RNF150: variants seen among roughly 807,000 people sequenced by gnomAD.
RNF150 encodes ring finger protein 150.
RNF150 carries 24 observed loss-of-function variants against 39.3 expected under a neutral mutation model. That is an observed-to-expected ratio of 0.61 (90% CI 0.44 to 0.86). The LOEUF is 0.86. RNF150 is among the 40% of genes least tolerant of loss of function. The pLI, the probability that RNF150 is intolerant of heterozygous loss-of-function variation, is 0.00. For missense variants in RNF150, 502 were observed against 587.8 expected, an observed-to-expected ratio of 0.85 and a Z score of 1.51; for synonymous variants, 255 against 227.3, an observed-to-expected ratio of 1.12 and a Z score of -1.10.
Position 141,000,001 on chromosome 4 carries a change from A to G in RNF150, c.485-32128T>C, listed in dbSNP as rs1466139681. 1.4e-3 allele frequency among the ~76,000 whole-genome samples: 42 copies of G among 30,360 alleles called. 9 individuals carry two copies. The highest frequency in any genetic ancestry group is 1.8e-3 in the Non-Finnish European group (26 of 14,402). The allele number at this position is 30,360 out of a possible 152,430, so 19.9% of individuals were successfully genotyped here. A position where few individuals can be genotyped will look rare whatever the true frequency, so the allele number is the denominator to read the frequency against. ...AAAAGAAGAAAAGAAGAAAAGAAGA[A>G]GAAGAAGAAGAAGAAGAAGAAGAAG... On this transcript the variant is annotated intron_variant, in intron 1 of 6. Coordinates refer to ENST00000515673, the MANE Select transcript of RNF150 (RefSeq NM_020724.2).
At chr4:141,209,826 C>A (rs1401471402) in intron 1 of RNF150, among the ~76,000 whole-genome samples, 1 of 151,984 alleles carries the variant, frequency 6.6e-6, no homozygotes, top group Non-Finnish European at 1.5e-5. Flanking sequence ...GGCAATATAG[C>A]AAGACCCCAT....
chr4:140,894,854 T>C (rs1184030713), intron 6 of RNF150, among the ~76,000 whole-genome samples: 1 of 152,188 alleles, frequency 6.6e-6, no homozygotes, highest in African/African-American at 2.4e-5. Flanking sequence ...TTGTCAATAA[T>C]GTAAGTATGG....
intron 6 of RNF150, among the ~76,000 whole-genome samples, chr4:140,908,783 T>C (rs1730486914): frequency 6.6e-6 from 1 of 152,180 alleles, no homozygotes; most frequent in African/African-American, 2.4e-5. Flanking sequence ...ATTTTGGATG[T>C]AATTTAACCC....
At chr4:141,041,447 G>A (rs570061780) in intron 1 of RNF150, among the ~76,000 whole-genome samples, 18 of 152,180 alleles carry the variant, frequency 1.2e-4, no homozygotes, top group Middle Eastern at 3.4e-3. Context: ...CAGAGGAAGA[G>A]AACAAATTAC....
chr4:141,064,768 C>A (rs933130311), intron 1 of RNF150, among the ~76,000 whole-genome samples: 1 of 151,844 alleles, frequency 6.6e-6, no homozygotes, highest in African/African-American at 2.4e-5. Context: ...GAGGTAGTAC[C>A]CCTTCAAGCG....
At chr4:140,914,832 T>C (rs867418866) in intron 5 of RNF150, among the ~76,000 whole-genome samples, 20 of 152,240 alleles carry the variant, frequency 1.3e-4, no homozygotes, top group African/African-American at 4.8e-4. Flanking sequence ...TGAACTGTGC[T>C]CTCATTCTTT....
chr4:140,917,627 TCAA>T (rs1236081671), intron 5 of RNF150, among the ~76,000 whole-genome samples: 13 of 152,274 alleles, frequency 8.5e-5, no homozygotes, highest in Admixed American at 5.2e-4. Context: ...ATTAGACAGA[TCAA>T]CGAGACAGAA....
intron 1 of RNF150, among the ~76,000 whole-genome samples, chr4:141,206,759 C>T (rs901988281): frequency 3.3e-5 from 5 of 151,898 alleles, no homozygotes; most frequent in African/African-American, 1.2e-4. Context: ...AGAACTGGCT[C>T]ACATGATTAC....
At chr4:141,060,978 G>C (rs1737198336) in intron 1 of RNF150, among the ~76,000 whole-genome samples, 1 of 152,056 alleles carries the variant, frequency 6.6e-6, no homozygotes, top group Admixed American at 6.6e-5. Context: ...TCACACACTG[G>C]GGCCTTTTGC....
At chr4:140,955,037 G>A (rs1448128236) in intron 2 of RNF150, among the ~76,000 whole-genome samples, 1 of 152,092 alleles carries the variant, frequency 6.6e-6, no homozygotes, top group Non-Finnish European at 1.5e-5. Flanking sequence ...GTGAAGGGAG[G>A]CCACTGTCAA....
chr4:140,869,400 A>G (rs1728841525), intron 6 of RNF150, among the ~76,000 whole-genome samples: 1 of 152,178 alleles, frequency 6.6e-6, no homozygotes, highest in South Asian at 2.1e-4. Flanking sequence ...ATTTTCTGTT[A>G]ACATTTTTTT....
chr4:140,895,876 G>C (rs965568847), intron 6 of RNF150, among the ~76,000 whole-genome samples: 4 of 150,444 alleles, frequency 2.7e-5, no homozygotes, highest in African/African-American at 1.0e-4. Context: ...TTTCTGCGAA[G>C]GACATGAACA....
intron 1 of RNF150, among the ~76,000 whole-genome samples, chr4:141,057,910 G>C (rs1215217067): frequency 2.0e-5 from 3 of 152,068 alleles, no homozygotes; most frequent in Non-Finnish European, 2.9e-5. Flanking sequence ...ATAACTCAAA[G>C]AGGTTTTCTC....
intron 6 of RNF150, among the ~76,000 whole-genome samples, chr4:140,870,299 T>C (rs889216259): frequency 6.6e-6 from 1 of 152,210 alleles, no homozygotes; most frequent in Non-Finnish European, 1.5e-5. Flanking sequence ...TCTATAAAGA[T>C]ACAAGTCTTT....
chr4:140,918,842 C>A (rs1314985348), intron 5 of RNF150, among the ~76,000 whole-genome samples: 7 of 152,196 alleles, frequency 4.6e-5, no homozygotes, highest in Non-Finnish European at 2.9e-5. Flanking sequence ...CCACCATGAT[C>A]AAGTGGGCTT....
intron 6 of RNF150, among the ~76,000 whole-genome samples, chr4:140,873,839 C>A (rs1343332251): frequency 6.6e-6 from 1 of 152,088 alleles, no homozygotes; most frequent in Non-Finnish European, 1.5e-5. Context: ...CCACGCCCAG[C>A]TAATTTTTGC....
chr4:141,004,100 G>A (rs900605786), intron 1 of RNF150, among the ~76,000 whole-genome samples: 1 of 152,130 alleles, frequency 6.6e-6, no homozygotes, highest in South Asian at 2.1e-4. Context: ...AGCATTTAAC[G>A]AACTTCTATT....
chr4:140,870,454 GTA>G (rs917439408), intron 6 of RNF150, among the ~76,000 whole-genome samples: 8 of 133,884 alleles, frequency 6.0e-5, no homozygotes, highest in South Asian at 5.0e-4. Flanking sequence ...TTTTGTGCGT[GTA>G]TGTGTGTGTG....
intron 2 of RNF150, among the ~76,000 whole-genome samples, chr4:140,965,393 T>C (rs1459656908): frequency 6.6e-6 from 1 of 152,126 alleles, no homozygotes; most frequent in African/African-American, 2.4e-5. Context: ...CTTCTGGGTA[T>C]ATATCCAAGG....
Sources: gnomAD v4.1 joint callset for allele counts (sites outside exome capture counted in the v4.1 genomes callset) on GRCh38, gnomAD v4.1.1 for gene constraint, MANE v1.5 for transcripts, NCBI Gene and HGNC (gene_info 2026-07-23, HGNC 2026-07-21) for gene names.